The following FRMPD4 variants were observed in gnomAD, a reference collection of about 807,000 sequenced individuals.
FRMPD4 encodes the protein FERM and PDZ domain-containing protein 4.
Under a neutral mutation model 94.1 loss-of-function variants are expected in FRMPD4, and 22 were observed. The ratio of observed to expected loss-of-function variants is 0.23; its 90% CI spans 0.17 to 0.33. FRMPD4 has a LOEUF of 0.33. Ranked by LOEUF, FRMPD4 falls within the 10% of genes least tolerant of loss-of-function variation. FRMPD4 has a pLI of 1.00. For missense variants in FRMPD4, 1,111 were observed against 1,339.9 expected (o/e 0.83, Z 2.67); for synonymous variants, 631 against 548.6 (o/e 1.15, Z -2.10).
intron 1 of FRMPD4, among the ~76,000 whole-genome samples, chrX:12,460,584 G>A (rs917172539): frequency 8.9e-5 from 10 of 112,376 alleles, no homozygotes; most frequent in Non-Finnish European, 1.7e-4. Flanking sequence ...TGAAGCAGCT[G>A]AAGTACTGCT....
intron 3 of FRMPD4, among the ~76,000 whole-genome samples, chrX:12,611,003 C>T (rs1171815543): frequency 3.6e-5 from 4 of 111,760 alleles, no homozygotes; most frequent in African/African-American, 1.3e-4. Context: ...CAGATGCTGA[C>T]TAATACAGTA....
intron 1 of FRMPD4, among the ~76,000 whole-genome samples, chrX:12,481,016 A>G (rs116445102): frequency 0.013 from 1,490 of 111,683 alleles, 19 homozygotes; most frequent in African/African-American, 0.043. Context: ...TTAAGGAGGT[A>G]GAGAGTCAAC....
intron 2 of FRMPD4, among the ~76,000 whole-genome samples, chrX:12,574,960 C>G (rs185987105): frequency 8.9e-6 from 1 of 111,997 alleles, no homozygotes; most frequent in East Asian, 2.8e-4. Context: ...ATAAGAACAT[C>G]TATGAAGACT....
At chrX:12,712,912 C>G (rs894797529) in intron 14 of FRMPD4, among the ~76,000 whole-genome samples, 3 of 108,853 alleles carry the variant, frequency 2.8e-5, no homozygotes, top group Non-Finnish European at 5.7e-5. Flanking sequence ...ACTGTATCCA[C>G]GAAAAAAATT....
chrX:12,215,613 T>C (rs2056798946), intron 1 of FRMPD4, among the ~76,000 whole-genome samples: 1 of 111,936 alleles, frequency 8.9e-6, no homozygotes, highest in South Asian at 3.7e-4. Context: ...TATCCTTCAT[T>C]TTAAGATGGA....
intron 1 of FRMPD4, among the ~76,000 whole-genome samples, chrX:12,193,668 AAGAAAG>A (rs992532768): frequency 9.6e-6 from 1 of 104,062 alleles, no homozygotes; most frequent in Non-Finnish European, 2.0e-5. Flanking sequence ...TGACCGAAAA[AAGAAAG>A]AGAAAGAGAA....
chrX:12,027,175 T>C (rs2054665905), intron 3 of FRMPD4, among the ~76,000 whole-genome samples: 1 of 112,276 alleles, frequency 8.9e-6, no homozygotes, highest in Admixed American at 9.4e-5. Context: ...GTTCAACCTG[T>C]TTACTTGCAA....
At chrX:12,442,913 G>A (rs1011911627) in intron 1 of FRMPD4, among the ~76,000 whole-genome samples, 5 of 112,061 alleles carry the variant, frequency 4.5e-5, no homozygotes, top group Admixed American at 9.4e-5. Flanking sequence ...AAAGAGTGAC[G>A]TATTGGTACA....
intron 1 of FRMPD4, among the ~76,000 whole-genome samples, chrX:11,823,305 A>ATT (rs1569104614): frequency 3.7e-5 from 4 of 107,518 alleles, no homozygotes; most frequent in African/African-American, 1.0e-4. Flanking sequence ...TAATAATAAT[A>ATT]ATTATTATTA....
intron 1 of FRMPD4, among the ~76,000 whole-genome samples, chrX:12,350,323 G>A (rs6640976): frequency 0.18 from 19,813 of 110,601 alleles, 1,746 homozygotes; most frequent in Admixed American, 0.33. Flanking sequence ...ATTTAAACAC[G>A]AGAGAGCTTT....
chrX:12,274,180 T>G (rs1023568598), intron 1 of FRMPD4, among the ~76,000 whole-genome samples: 1 of 111,161 alleles, frequency 9.0e-6, no homozygotes, highest in African/African-American at 3.3e-5. Context: ...TATCTACTCT[T>G]TCTAATTAAA....
chrX:12,142,316 T>A (rs2147573640), intron 1 of FRMPD4, among the ~76,000 whole-genome samples: 1 of 112,098 alleles, frequency 8.9e-6, no homozygotes, highest in Admixed American at 9.5e-5. Flanking sequence ...TACATATGTA[T>A]AGTTTCCTTA....
At chrX:12,341,565 G>T in intron 1 of FRMPD4, 1 of 320,716 alleles carries the variant, frequency 3.1e-6, no homozygotes, top group Non-Finnish European at 6.1e-6. Context: ...TATGAGACAG[G>T]CATTAGTGTC....
intron 5 of FRMPD4, among the ~76,000 whole-genome samples, chrX:12,682,190 T>G (rs775665085): frequency 2.7e-5 from 3 of 112,760 alleles, no homozygotes; most frequent in African/African-American, 9.7e-5. Flanking sequence ...CCACATTTGA[T>G]TTATCTATTT....
intron 1 of FRMPD4, among the ~76,000 whole-genome samples, chrX:12,254,172 A>T (rs1427564031): frequency 8.9e-6 from 1 of 112,020 alleles, no homozygotes; most frequent in East Asian, 2.8e-4. Context: ...GAAACAATTA[A>T]GTGTTAGAAT....
intron 1 of FRMPD4, among the ~76,000 whole-genome samples, chrX:12,169,652 A>G (rs1171949130): frequency 8.9e-6 from 1 of 112,335 alleles, no homozygotes; most frequent in African/African-American, 3.2e-5. Context: ...TAAACTATTA[A>G]TATTTACCAT....
At chrX:11,845,919 T>G (rs1601799998) in intron 1 of FRMPD4, among the ~76,000 whole-genome samples, 1 of 107,056 alleles carries the variant, frequency 9.3e-6, no homozygotes, top group African/African-American at 3.4e-5. Flanking sequence ...CCACAGCCAA[T>G]ATCATACTGA....
chrX:11,999,098 T>G (rs2147403837), intron 3 of FRMPD4, among the ~76,000 whole-genome samples: 1 of 111,889 alleles, frequency 8.9e-6, no homozygotes, highest in East Asian at 2.8e-4. Flanking sequence ...ATCTGACCGC[T>G]ATTGTATAAG....
At chrX:12,409,858 T>C (rs1569264856) in intron 1 of FRMPD4, among the ~76,000 whole-genome samples, 2 of 111,824 alleles carry the variant, frequency 1.8e-5, no homozygotes, top group Admixed American at 9.5e-5. Flanking sequence ...TACCAAGTAA[T>C]ATCACCTTTG....
Sources: gnomAD v4.1 joint callset for allele counts (sites outside exome capture counted in the v4.1 genomes callset) on GRCh38, gnomAD v4.1.1 for gene constraint, MANE v1.5 for transcripts, NCBI Gene and HGNC (gene_info 2026-07-23, HGNC 2026-07-21) for gene names.